The following WWP2 variants were observed in gnomAD, a reference collection of about 807,000 sequenced individuals.
WWP2 encodes the protein NEDD4-like E3 ubiquitin-protein ligase WWP2.
Under a neutral mutation model 121.0 loss-of-function variants are expected in WWP2, and 57 were observed. The ratio of observed to expected loss-of-function variants is 0.47; its 90% CI spans 0.38 to 0.59. WWP2 has a LOEUF of 0.59. Among genes scored for constraint, WWP2 ranks in the 20% least tolerant of loss-of-function variants. WWP2 has a pLI of 0.00. For synonymous variants in WWP2, 449 were observed against 441.3 expected (o/e 1.02, Z -0.22); for missense variants, 962 against 1,158.9 (o/e 0.83, Z 2.47).
At chr16:69,904,704 G>A (rs1597138395) in intron 8 of WWP2, among the ~76,000 whole-genome samples, 1 of 152,130 alleles carries the variant, frequency 6.6e-6, no homozygotes, top group Non-Finnish European at 1.5e-5. Flanking sequence ...ACTTTTGCCA[G>A]ATCCTGCCCT....
chr16:69,911,698 C>T (rs2058381376), intron 9 of WWP2, among the ~76,000 whole-genome samples: 3 of 152,102 alleles, frequency 2.0e-5, no homozygotes, highest in African/African-American at 7.2e-5. Context: ...CAGCAGAGTA[C>T]TTTTAGTTAA....
intron 7 of WWP2, among the ~76,000 whole-genome samples, chr16:69,882,931 T>G (rs1436915851): frequency 1.3e-5 from 2 of 152,104 alleles, no homozygotes; most frequent in Admixed American, 1.3e-4. Flanking sequence ...GGCAGGCAGA[T>G]CACTTGAGGT....
At chr16:69,815,656 G>A (rs1367929283) in intron 4 of WWP2, among the ~76,000 whole-genome samples, 13 of 151,738 alleles carry the variant, frequency 8.6e-5, no homozygotes, top group African/African-American at 2.9e-4. Flanking sequence ...GTGTGGTGGC[G>A]GGTCCCTGTA....
chr16:69,940,091 T>C lies in WWP2; in HGVS notation c.*151T>C, dbSNP rs1040551690. Reference sequence around the variant, plus strand: ...TCATCTCGCTGCTGGCAGAAAAGCCTGATCCCAGGAGGCCCTGCAGTTCCC... The same window carrying C: ...TCATCTCGCTGCTGGCAGAAAAGCCCGATCCCAGGAGGCCCTGCAGTTCCC... On this transcript the variant is annotated 3_prime_UTR_variant, in exon 24 of 24. Transcript: ENST00000359154. The C allele has an allele frequency of 4.6e-6, 3 of 657,884 alleles. No homozygotes were observed. Among genetic ancestry groups the C allele is most frequent in the Non-Finnish European group, 7.7e-6 (3 of 390,798 alleles). 40.8% of individuals were successfully genotyped at this position (657,884 alleles called of 1,614,324 possible).
At chr16:69,858,058 G>A (rs1245367367) in intron 6 of WWP2, among the ~76,000 whole-genome samples, 3 of 152,074 alleles carry the variant, frequency 2.0e-5, no homozygotes, top group African/African-American at 4.8e-5. Flanking sequence ...GTGGAGAATG[G>A]GAGATTAGGG....
intron 6 of WWP2, among the ~76,000 whole-genome samples, chr16:69,843,233 A>G (rs1171627682): frequency 6.6e-6 from 1 of 151,948 alleles, no homozygotes; most frequent in East Asian, 1.9e-4. Flanking sequence ...TTCCCTTGTA[A>G]TGTTGGTTAA....
intron 4 of WWP2, among the ~76,000 whole-genome samples, chr16:69,820,334 T>A (rs983364662): frequency 1.3e-5 from 2 of 152,114 alleles, no homozygotes; most frequent in Non-Finnish European, 2.9e-5. Flanking sequence ...CTCCGCCTCC[T>A]GGGTTCAAGT....
At position 69,908,818 on chromosome 16, in the gene WWP2, G is replaced by C. The variant is rs562325074; in HGVS notation, c.972G>C (p.Lys324Asn). The C allele has an allele frequency of 1.2e-6, 2 of 1,614,158 alleles. No individual in the cohort carries two copies. The highest frequency in any genetic ancestry group is 2.7e-5 in the African/African-American group (2 of 75,038). The change falls in exon 9 of 24, where the codon AAG (lysine) becomes AAC (asparagine). Residue 324 changes from lysine to asparagine, a missense_variant. Lys to Asn is a moderately conservative substitution (Grantham distance 94). Coordinates refer to ENST00000359154, the MANE Select transcript of WWP2 (RefSeq NM_001270454.2). ...GRVYYVDHNT[K>N]TTTWERPLPP... is the part of the protein sequence containing the mutation. ...TCTATTATGTTGACCACAATACCAA[G>C]ACCACCACCTGGGAGCGGCCCCTTC...
intron 23 of WWP2, 96 bp from the exon 24 acceptor site, chr16:69,939,745 G>A (rs2058852323): frequency 3.5e-6 from 4 of 1,152,680 alleles, no homozygotes; most frequent in Non-Finnish European, 4.9e-6. Flanking sequence ...AGCCAGTGTG[G>A]TGCAAGCCCT....
intron 6 of WWP2, among the ~76,000 whole-genome samples, chr16:69,850,846 C>T (rs1478013935): frequency 2.0e-5 from 3 of 151,824 alleles, no homozygotes; most frequent in Non-Finnish European, 2.9e-5. Flanking sequence ...TGAAATCTGC[C>T]GTGTTTTTTT....
chr16:69,770,884 G>A lies in WWP2; in HGVS notation c.-16+8493G>A, dbSNP rs540260730. ...GTGGTGGCTCACACCTGTAATCCCA[G>A]CACTTTGGGAGGCAGAGGTAGGAGG... On this transcript the variant is annotated intron_variant, in intron 1 of 23. Coordinates refer to ENST00000359154, the MANE Select transcript of WWP2 (RefSeq NM_001270454.2). Among the ~76,000 whole-genome samples the A allele has an allele frequency of 9.2e-5, 14 of 151,650 alleles. No individual in the cohort carries two copies. The South Asian group carries it at 2.3e-3, about 25-fold the overall frequency.
At chr16:69,830,844 C>G (rs1210364634) in intron 4 of WWP2, among the ~76,000 whole-genome samples, 2 of 152,180 alleles carry the variant, frequency 1.3e-5, no homozygotes, top group African/African-American at 2.4e-5. Flanking sequence ...CTCTCTAGAC[C>G]TGGGGTGGAC....
intron 1 of WWP2, among the ~76,000 whole-genome samples, chr16:69,780,998 A>C (rs916066431): frequency 6.6e-6 from 1 of 152,164 alleles, no homozygotes; most frequent in Non-Finnish European, 1.5e-5. Flanking sequence ...ACTGCACTCC[A>C]TCCTGGGTGA....
chr16:69,923,463 T>C (rs1367653937), intron 10 of WWP2, among the ~76,000 whole-genome samples: 1 of 152,196 alleles, frequency 6.6e-6, no homozygotes, highest in African/African-American at 2.4e-5. Flanking sequence ...CTGATCAGTA[T>C]TTTCTGATCC....
intron 4 of WWP2, among the ~76,000 whole-genome samples, chr16:69,807,619 CAAAAAAAAAAAAA>C (rs530408058): frequency 2.8e-4 from 13 of 46,884 alleles, no homozygotes; most frequent in Non-Finnish European, 4.9e-4. Context: ...ACCCTTTCTC[CAAAAAAAAAAAAA>C]AAAAAAAAAA....
chr16:69,801,776 C>T (rs2056172539), intron 4 of WWP2, among the ~76,000 whole-genome samples: 1 of 151,992 alleles, frequency 6.6e-6, no homozygotes, highest in Non-Finnish European at 1.5e-5. Context: ...TAATTTTTTC[C>T]CCTCAGATCC....
chr16:69,840,224 G>A lies in WWP2; in HGVS notation c.439G>A (p.Asp147Asn). The A allele has an allele frequency of 6.2e-7, 1 of 1,614,122 alleles. No homozygotes were observed. The highest frequency in any genetic ancestry group is 8.5e-7 in the Non-Finnish European group (1 of 1,179,984). Residue 147 changes from aspartate (D) to asparagine (N), a missense_variant, in exon 5 of 24, where the codon GAT becomes AAT. Transcript: ENST00000359154. Reference protein sequence around the residue: ...LTIFLDGPTVDLGNVPNGSAL... With the variant: ...LTIFLDGPTVNLGNVPNGSAL... The stretch of plus-strand genomic sequence containing the variant: ...AATTTTCCTGGACGGGCCAACTGTT[G>A]ATCTGGGAAATGTGCCTAATGGCAG...
At chr16:69,922,179 C>G (rs1241291983) in intron 10 of WWP2, among the ~76,000 whole-genome samples, 2 of 151,196 alleles carry the variant, frequency 1.3e-5, no homozygotes, top group African/African-American at 2.4e-5. Context: ...GTTTCTTACT[C>G]TGCAATGAGC....
chr16:69,910,576 A>AT (rs2058365274), intron 9 of WWP2, among the ~76,000 whole-genome samples: 1 of 152,002 alleles, frequency 6.6e-6, no homozygotes. Flanking sequence ...TGCCCAACTA[A>AT]TTTTTTGTAT....
Sources: gnomAD v4.1 joint callset for allele counts (sites outside exome capture counted in the v4.1 genomes callset) on GRCh38, gnomAD v4.1.1 for gene constraint, MANE v1.5 for transcripts, NCBI Gene and HGNC (gene_info 2026-07-23, HGNC 2026-07-21) for gene names.